CYP27A1: variants seen among roughly 807,000 people sequenced by gnomAD.
CYP27A1 encodes the protein cytochrome P450 family 27 subfamily A member 1, also known as sterol 26-hydroxylase, mitochondrial.
In CYP27A1, 46 loss-of-function variants were observed where a neutral mutation model predicts 58.2. The observed-to-expected ratio is 0.79, with a 90% CI of 0.62 to 1.01. The LOEUF (loss-of-function observed/expected upper bound fraction) is 1.01, where lower values mean the gene tolerates loss of function less well. CYP27A1 is among the 50% of genes least tolerant of loss of function. CYP27A1 has a pLI of 0.00. For missense variants in CYP27A1, 704 were observed against 687.0 expected (o/e 1.02, Z -0.28); for synonymous variants, 274 against 285.1 (o/e 0.96, Z 0.39).
chr2:218,806,264 A>G (rs1158061430), intron 1 of CYP27A1, among the ~76,000 whole-genome samples: 1 of 152,252 alleles, frequency 6.6e-6, no homozygotes, highest in Non-Finnish European at 1.5e-5. Context: ...AAAATGGTAT[A>G]TATTTGTTTT....
In CYP27A1 at chr2:218,782,638, G is replaced by A. The variant is rs561834982; in HGVS notation, c.255+201G>A. On this transcript the variant is annotated intron_variant, in intron 1 of 8. Transcript: ENST00000258415. This position sits in a 1 kb window ranked among gnomAD's most constrained non-coding sequence, Gnocchi z 4.1. ...CCCTTTGAGCTGAGATAAACAGGACGAGGAAGGGCTTAAATCAGGACGGCA... is the reference window on the plus strand; with the variant it reads ...CCCTTTGAGCTGAGATAAACAGGACAAGGAAGGGCTTAAATCAGGACGGCA... 1.3e-5 allele frequency among the ~76,000 whole-genome samples: 2 copies of A among 152,290 alleles called. No individual in the cohort carries two copies. The highest frequency in any genetic ancestry group is 1.9e-4 in the East Asian group (1 of 5,172).
intron 1 of CYP27A1, among the ~76,000 whole-genome samples, chr2:218,794,428 T>C (rs764849492): frequency 6.6e-6 from 1 of 152,110 alleles, no homozygotes; most frequent in Admixed American, 6.6e-5. Flanking sequence ...TGCATGACCA[T>C]TTGGAGTTTG....
intron 1 of CYP27A1, 131 bp from the exon 2 acceptor site, chr2:218,809,442 CTTTT>C (rs57956133): frequency 3.7e-4 from 137 of 369,600 alleles, no homozygotes; most frequent in Admixed American, 1.0e-3. Context: ...ACACAATGCC[CTTTT>C]TTTTTTTTTT....
At chr2:218,791,358 A>G (rs967373456) in intron 1 of CYP27A1, among the ~76,000 whole-genome samples, 3 of 152,176 alleles carry the variant, frequency 2.0e-5, no homozygotes, top group Non-Finnish European at 2.9e-5. Flanking sequence ...TCTTCCATCT[A>G]TCAAGGCATA....
chr2:218,809,629 A>T lies in CYP27A1; in HGVS notation c.308A>T (p.Gln103Leu), dbSNP rs1390340364. The change falls in exon 2 of 9, where the codon CAG becomes CTG. Residue 103 changes from glutamine to leucine, a missense_variant. Coordinates refer to ENST00000258415, the MANE Select transcript of CYP27A1 (RefSeq NM_000784.4). ...ATGTGGATGTCCTACTTAGGGCCTC[A>T]GATGCACGTGAACCTGGCCAGTGCC... Reference protein sequence around the residue: ...GPMWMSYLGPQMHVNLASAPL... With the variant: ...GPMWMSYLGPLMHVNLASAPL... 1 of 1,614,024 alleles carries T rather than the reference A, an allele frequency of 6.2e-7. No individual in the cohort carries two copies. Among genetic ancestry groups the T allele is most frequent in the Non-Finnish European group, 8.5e-7 (1 of 1,180,032 alleles).
At chr2:218,786,985 G>C (rs576115802) in intron 1 of CYP27A1, among the ~76,000 whole-genome samples, 1 of 152,010 alleles carries the variant, frequency 6.6e-6, no homozygotes, top group African/African-American at 2.4e-5. Flanking sequence ...GGTAGAAAGA[G>C]GTTTCGCCAT....
In CYP27A1 at chr2:218,783,257, C is replaced by CAA. The variant is rs371442397; in HGVS notation, c.255+838_255+839dup. Among the ~76,000 whole-genome samples, 381 of 79,260 alleles carry CAA rather than the reference C, an allele frequency of 4.8e-3. 4 individuals carry two copies. Among genetic ancestry groups the CAA allele is most frequent in the East Asian group, 0.017 (38 of 2,242 alleles). The allele number at this position is 79,260 out of a possible 152,430, so 52.0% of individuals were successfully genotyped here. ...GGGCAACAAGAGCGAAACTCTGTCT[C>CAA]AAAAAAAAAAAAAAAAAAAGAAAAA... On this transcript the variant is annotated intron_variant, in intron 1 of 8. Coordinates refer to ENST00000258415, the MANE Select transcript of CYP27A1 (RefSeq NM_000784.4).
At position 218,812,558 on chromosome 2, in the gene CYP27A1, G is replaced by A. The variant is rs1314347538; in HGVS notation, c.653G>A (p.Cys218Tyr). 1.2e-6 allele frequency: 2 copies of A among 1,614,184 alleles called. No homozygotes were observed. The highest frequency in any genetic ancestry group is 1.7e-6 in the Non-Finnish European group (2 of 1,180,032). The change falls in exon 4 of 9, where the codon TGC becomes TAC. Residue 218 changes from cysteine (C) to tyrosine (Y), a missense_variant. By Grantham distance (194) the Cys-to-Tyr change is radical (BLOSUM62 -2). Coordinates refer to ENST00000258415, the MANE Select transcript of CYP27A1 (RefSeq NM_000784.4). ...LFYYFALEAI[C>Y]YILFEKRIGC... ...GCCTCTGTGCACTACTCAGCTATTT[G>A]CTACATCCTGTTCGAGAAACGCATT...
chr2:218,793,279 T>C (rs1943514310), intron 1 of CYP27A1, among the ~76,000 whole-genome samples: 1 of 152,172 alleles, frequency 6.6e-6, no homozygotes, highest in Admixed American at 6.5e-5. Context: ...TTTCATCATG[T>C]TGGCCAGGCT....
chr2:218,794,061 A>T (rs1432431686), intron 1 of CYP27A1, among the ~76,000 whole-genome samples: 1 of 152,202 alleles, frequency 6.6e-6, no homozygotes, highest in African/African-American at 2.4e-5. Context: ...AATTCAGTAA[A>T]GCTAGAGAGG....
At chr2:218,811,081 G>T (rs1943710456) in intron 2 of CYP27A1, among the ~76,000 whole-genome samples, 1 of 152,208 alleles carries the variant, frequency 6.6e-6, no homozygotes, top group Non-Finnish European at 1.5e-5. Context: ...AACCTGGGAG[G>T]TGGAGGTTGC....
At chr2:218,793,437 C>A (rs1280435933) in intron 1 of CYP27A1, among the ~76,000 whole-genome samples, 1 of 152,172 alleles carries the variant, frequency 6.6e-6, no homozygotes. Context: ...GTTTTCCGAA[C>A]AATCAAAAGA....
chr2:218,793,169 G>A (rs553549407), intron 1 of CYP27A1, among the ~76,000 whole-genome samples: 2 of 152,154 alleles, frequency 1.3e-5, no homozygotes, highest in South Asian at 2.1e-4. Context: ...TCCGCTTCCT[G>A]GGTTCAAGTG....
chr2:218,804,800 A>G (rs1943634845), intron 1 of CYP27A1, among the ~76,000 whole-genome samples: 2 of 152,216 alleles, frequency 1.3e-5, no homozygotes, highest in African/African-American at 4.8e-5. Flanking sequence ...GGATACTATC[A>G]TTAGTCTGTT....
chr2:218,790,729 G>A (rs183278542), intron 1 of CYP27A1, among the ~76,000 whole-genome samples: 1 of 150,540 alleles, frequency 6.6e-6, no homozygotes, highest in African/African-American at 2.4e-5. Context: ...ATGGAGTCTC[G>A]CTCTGTTGCC....
rs1575206137 is a variant in CYP27A1 at position 218,812,703 on chromosome 2, T to C, written c.798T>C (p.Pro266=). ...FLPKWTRPVL[P]FWKRYLDGWN... ...CCAAGTGGACTCGCCCCGTGCTGCC[T>C]TTCTGGAAGCGATACCTGGATGGTT... The change falls in exon 4 of 9, where the codon CCT becomes CCC. Residue 266 remains proline, a synonymous_variant. Transcript: ENST00000258415. The C allele has an allele frequency of 6.2e-7, 1 of 1,614,210 alleles. No homozygotes were observed. The highest frequency in any genetic ancestry group is 8.5e-7 in the Non-Finnish European group (1 of 1,180,044).
chr2:218,783,257 CAAAAAA>C (rs371442397), intron 1 of CYP27A1, among the ~76,000 whole-genome samples: 6 of 79,536 alleles, frequency 7.5e-5, no homozygotes, highest in African/African-American at 1.3e-4. Context: ...AACTCTGTCT[CAAAAAA>C]AAAAAAAAAA....
At chr2:218,810,080 A>C (rs905991209) in intron 2 of CYP27A1, among the ~76,000 whole-genome samples, 1 of 152,084 alleles carries the variant, frequency 6.6e-6, no homozygotes, top group African/African-American at 2.4e-5. Context: ...GGGGTTCGAG[A>C]TCAGCTTGGC....
chr2:218,800,751 C>T (rs1943592541), intron 1 of CYP27A1, among the ~76,000 whole-genome samples: 2 of 152,162 alleles, frequency 1.3e-5, no homozygotes, highest in South Asian at 2.1e-4. Flanking sequence ...TACATAAATA[C>T]ACCCATATGT....
Sources: allele counts gnomAD v4.1 joint callset (sites outside exome capture counted in the v4.1 genomes callset), GRCh38; gene constraint gnomAD v4.1.1; non-coding constraint Gnocchi (gnomAD v3.1); transcripts MANE v1.5; gene names NCBI Gene and HGNC (gene_info 2026-07-23, HGNC 2026-07-21).